Variants in GTF2E1 observed in about 807,000 individuals in gnomAD.
GTF2E1 encodes TFIIE alpha subunit.
Under a neutral mutation model 34.9 loss-of-function variants are expected in GTF2E1, and 14 were observed. The observed-to-expected ratio is 0.40, with a 90% CI of 0.27 to 0.63. The LOEUF is 0.63. GTF2E1 is among the 20% of genes least tolerant of loss of function. The pLI is 0.39. For synonymous variants in GTF2E1, 188 were observed against 192.9 expected, an observed-to-expected ratio of 0.97 and a Z score of 0.21; for missense variants, 469 against 557.7, an observed-to-expected ratio of 0.84 and a Z score of 1.60.
Position 120,781,643 on chromosome 3 carries a change from A to G in GTF2E1, c.*173A>G, listed in dbSNP as rs73855273. 1.2e-3 allele frequency: 726 copies of G among 601,612 alleles called. 3 individuals are homozygous for G. Among genetic ancestry groups the G allele is most frequent in the African/African-American group, 0.012 (650 of 53,956 alleles). The allele number at this position is 601,612 out of a possible 1,614,324, so 37.3% of individuals were successfully genotyped here. A position where few individuals can be genotyped will look rare whatever the true frequency, so the allele number is the denominator to read the frequency against. ...CTTTTATGCCAGAAACTTTCCCAGC[A>G]AGGTAGGGTGCTGAGAATCCTACCC... is the stretch of plus-strand genomic sequence containing the variant. On this transcript the variant is annotated 3_prime_UTR_variant, in exon 5 of 5. Transcript: ENST00000283875.
At chr3:120,765,281 A>C (rs543194286) in intron 2 of GTF2E1, among the ~76,000 whole-genome samples, 2 of 150,928 alleles carry the variant, frequency 1.3e-5, no homozygotes, top group South Asian at 4.2e-4. Flanking sequence ...GCTTTGAAAT[A>C]TCTATTTATA....
intron 2 of GTF2E1, among the ~76,000 whole-genome samples, chr3:120,753,189 G>A (rs1229329762): frequency 1.3e-5 from 2 of 151,122 alleles, no homozygotes; most frequent in Non-Finnish European, 2.9e-5. Flanking sequence ...AGAAATCTTT[G>A]TGTTTTTCTC....
At chr3:120,764,686 G>A (rs753912272) in intron 2 of GTF2E1, among the ~76,000 whole-genome samples, 51 of 152,166 alleles carry the variant, frequency 3.4e-4, no homozygotes, top group South Asian at 4.1e-4. Context: ...TTCTGCCCTA[G>A]TGTCACGTAT....
At position 120,781,060 on chromosome 3, in the gene GTF2E1, G is replaced by A. The variant is rs140000454; in HGVS notation, c.910G>A (p.Ala304Thr). Residue 304 changes from alanine (A) to threonine (T), a missense_variant, in exon 5 of 5, where the codon GCA becomes ACA. Coordinates refer to ENST00000283875, the MANE Select transcript of GTF2E1 (RefSeq NM_005513.3). The part of the protein sequence containing the change: ...DMKEGGIDMD[A>T]FQEREEGHAG... ...CTCCCCAGGGGGCATAGATATGGACGCATTTCAGGAGCGTGAGGAAGGCCA... is the reference window on the plus strand; with the variant it reads ...CTCCCCAGGGGGCATAGATATGGACACATTTCAGGAGCGTGAGGAAGGCCA... 26 of 1,611,406 alleles carry A rather than the reference G, an allele frequency of 1.6e-5. 1 individual carries two copies. Among genetic ancestry groups the A allele is most frequent in the East Asian group, 4.5e-5 (2 of 44,782 alleles).
chr3:120,746,559 G>A (rs966928580), intron 1 of GTF2E1, among the ~76,000 whole-genome samples: 45 of 152,060 alleles, frequency 3.0e-4, no homozygotes, highest in African/African-American at 1.0e-3. Context: ...ACTTTAGGAA[G>A]CCCCCAAGGT....
intron 2 of GTF2E1, among the ~76,000 whole-genome samples, chr3:120,756,465 A>G (rs2107607120): frequency 1.4e-5 from 2 of 143,152 alleles, no homozygotes; most frequent in Admixed American, 7.0e-5. Flanking sequence ...GAGTGGGGGG[A>G]GTAAGGGGGG....
intron 3 of GTF2E1, among the ~76,000 whole-genome samples, chr3:120,774,031 G>C (rs944870042): frequency 1.3e-5 from 2 of 152,162 alleles, no homozygotes; most frequent in Non-Finnish European, 2.9e-5. Context: ...ATAGAGAATA[G>C]AGAAAAACTC....
intron 2 of GTF2E1, among the ~76,000 whole-genome samples, chr3:120,761,911 C>T (rs1709267307): frequency 6.6e-6 from 1 of 151,838 alleles, no homozygotes; most frequent in African/African-American, 2.4e-5. Context: ...CTGCCTCAGC[C>T]TCCCAAGAAG....
At position 120,782,163 on chromosome 3, in the gene GTF2E1, A is replaced by T. The variant is rs1709454657; in HGVS notation, c.*693A>T. Reference sequence around the variant, plus strand: ...AGCCAGGCATTCCAAACAATTTCTTATACTGCTGCCCACCAAAGCAGCTTG... The same window carrying T: ...AGCCAGGCATTCCAAACAATTTCTTTTACTGCTGCCCACCAAAGCAGCTTG... On this transcript the variant is annotated 3_prime_UTR_variant, in exon 5 of 5. Transcript: ENST00000283875. 6.6e-6 allele frequency: 1 copy of T among 152,172 alleles called. No homozygotes were observed. The highest frequency in any genetic ancestry group is 2.1e-4 in the South Asian group (1 of 4,830). 9.4% of individuals were successfully genotyped at this position (152,172 alleles called of 1,614,324 possible).
intron 4 of GTF2E1, among the ~76,000 whole-genome samples, chr3:120,780,688 A>G (rs1332299088): frequency 6.6e-6 from 1 of 152,130 alleles, no homozygotes; most frequent in African/African-American, 2.4e-5. Flanking sequence ...ACATTATCTT[A>G]TATGTTTTTA....
intron 2 of GTF2E1, among the ~76,000 whole-genome samples, chr3:120,759,168 A>G (rs1284602456): frequency 6.6e-6 from 1 of 152,230 alleles, no homozygotes; most frequent in African/African-American, 2.4e-5. Context: ...TCTGATGACC[A>G]GTGATGATGA....
At chr3:120,773,361 A>G (rs1202245630) in intron 3 of GTF2E1, among the ~76,000 whole-genome samples, 2 of 152,100 alleles carry the variant, frequency 1.3e-5, no homozygotes, top group African/African-American at 4.8e-5. Flanking sequence ...CATCAATAGA[A>G]TGGTATGGGA....
At position 120,757,991 on chromosome 3, in the gene GTF2E1, C is replaced by T. The variant is rs771576279; in HGVS notation, c.448+6991C>T. Among the ~76,000 whole-genome samples, 55 of 152,062 alleles carry T rather than the reference C, an allele frequency of 3.6e-4. 2 individuals carry two copies. The highest frequency in any genetic ancestry group is 3.1e-3 in the Admixed American group (47 of 15,260). ...CAGCCTGGCCAACAGGGTGAAACCC[C>T]ATCTCTACTAAATATACAAAAAGCC... On this transcript the variant is annotated intron_variant, in intron 2 of 4. Transcript: ENST00000283875.
intron 3 of GTF2E1, 109 bp from the exon 4 acceptor site, chr3:120,776,314 T>G (rs1709398724): frequency 6.5e-6 from 6 of 924,040 alleles, no homozygotes; most frequent in Non-Finnish European, 8.3e-6. Context: ...GATTGCTAGG[T>G]AGCATTTACA....
chr3:120,754,135 A>T (rs1709188956), intron 2 of GTF2E1, among the ~76,000 whole-genome samples: 1 of 152,200 alleles, frequency 6.6e-6, no homozygotes, highest in Admixed American at 6.5e-5. Context: ...GATTTAGTTA[A>T]TCACCCTAAG....
At chr3:120,751,580 C>T (rs988880279) in intron 2 of GTF2E1, among the ~76,000 whole-genome samples, 4 of 152,058 alleles carry the variant, frequency 2.6e-5, no homozygotes, top group Non-Finnish European at 5.9e-5. Context: ...ATATAATTGG[C>T]CTGATTTGAT....
intron 2 of GTF2E1, 71 bp downstream of exon 2, chr3:120,751,071 T>C: frequency 1.1e-6 from 1 of 922,014 alleles, no homozygotes; most frequent in Non-Finnish European, 1.6e-6. Flanking sequence ...TTGATTCATC[T>C]AATTTTTAAA....
chr3:120,758,647 C>T (rs568438393), intron 2 of GTF2E1, among the ~76,000 whole-genome samples: 2 of 152,246 alleles, frequency 1.3e-5, no homozygotes, highest in East Asian at 3.9e-4. Flanking sequence ...GTTAAACTCC[C>T]ACCTATGAGT....
chr3:120,755,119 TAATA>T (rs1342007631), intron 2 of GTF2E1, among the ~76,000 whole-genome samples: 1 of 152,184 alleles, frequency 6.6e-6, no homozygotes, highest in Non-Finnish European at 1.5e-5. Flanking sequence ...AGTAAGTGTC[TAATA>T]AATAACTCGT....
Sources: allele counts gnomAD v4.1 joint callset (sites outside exome capture counted in the v4.1 genomes callset), GRCh38; gene constraint gnomAD v4.1.1; transcripts MANE v1.5; gene names NCBI Gene and HGNC (gene_info 2026-07-23, HGNC 2026-07-21).